KCNQ3: variants seen among roughly 807,000 people sequenced by gnomAD.
KCNQ3 encodes the protein potassium voltage-gated channel subfamily KQT member 3.
A neutral mutation model predicts 92.5 loss-of-function variants in KCNQ3; 30 were observed. The ratio of observed to expected loss-of-function variants is 0.32; its 90% CI spans 0.24 to 0.44. The LOEUF is 0.44. KCNQ3 is among the 20% of genes least tolerant of loss of function. KCNQ3 has a pLI of 1.00. For missense variants in KCNQ3, 913 were observed against 1,140.3 expected, an observed-to-expected ratio of 0.80 and a Z score of 2.87; for synonymous variants, 450 against 468.8, an observed-to-expected ratio of 0.96 and a Z score of 0.52.
At chr8:132,395,358 T>A (rs1453066358) in intron 1 of KCNQ3, among the ~76,000 whole-genome samples, 1 of 152,196 alleles carries the variant, frequency 6.6e-6, no homozygotes, top group Non-Finnish European at 1.5e-5. Context: ...CTAGAACTTA[T>A]TCCTCCTGTT....
intron 9 of KCNQ3, among the ~76,000 whole-genome samples, chr8:132,149,189 G>T (rs1825556048): frequency 6.6e-6 from 1 of 152,220 alleles, no homozygotes; most frequent in Non-Finnish European, 1.5e-5. Context: ...GATGCAGGAG[G>T]CAGATGAGGG....
intron 1 of KCNQ3, among the ~76,000 whole-genome samples, chr8:132,280,603 T>G (rs1026800393): frequency 8.5e-5 from 13 of 152,188 alleles, no homozygotes; most frequent in African/African-American, 2.9e-4. Flanking sequence ...CATCTTGGCA[T>G]GAGATTTAGA....
chr8:132,230,482 A>AG (rs1491357024), intron 1 of KCNQ3, among the ~76,000 whole-genome samples: 99 of 144,930 alleles, frequency 6.8e-4, no homozygotes, highest in African/African-American at 2.5e-3. Flanking sequence ...AGAGAGAGAG[A>AG]AAATCCTTTA....
intron 1 of KCNQ3, among the ~76,000 whole-genome samples, chr8:132,297,004 C>T (rs1014431868): frequency 5.9e-5 from 9 of 152,212 alleles, no homozygotes; most frequent in African/African-American, 2.2e-4. Flanking sequence ...ACAGTCCCAC[C>T]AACAGTGTAA....
intron 1 of KCNQ3, among the ~76,000 whole-genome samples, chr8:132,332,231 C>T (rs751144075): frequency 3.6e-4 from 55 of 152,156 alleles, no homozygotes; most frequent in Non-Finnish European, 6.0e-4. Flanking sequence ...CCCAAAACCA[C>T]GAGTGAGCCT....
Position 132,122,117 on chromosome 8 carries a change from G to A in KCNQ3, c.*7145C>T, listed in dbSNP as rs1395948416. ...GAGGAAGAAGGGGGAGAGAGAATGA[G>A]CTTTCCAGGTACACGGGCTTTGGTT... On this transcript the variant is annotated 3_prime_UTR_variant, in exon 15 of 15. Coordinates refer to ENST00000388996, the MANE Select transcript of KCNQ3 (RefSeq NM_004519.4). The A allele has an allele frequency of 6.6e-6, 1 of 152,242 alleles. No individual in the cohort carries two copies. Among genetic ancestry groups the A allele is most frequent in the Non-Finnish European group, 1.5e-5 (1 of 68,062 alleles). The allele number at this position is 152,242 out of a possible 1,614,324, so 9.4% of individuals were successfully genotyped here.
intron 1 of KCNQ3, among the ~76,000 whole-genome samples, chr8:132,470,105 A>G (rs939017322): frequency 2.0e-4 from 5 of 24,682 alleles, no homozygotes; most frequent in Non-Finnish European, 3.7e-4. Flanking sequence ...AGAAAGAACT[A>G]TGCTCATCTC....
intron 1 of KCNQ3, among the ~76,000 whole-genome samples, chr8:132,410,462 G>A (rs568763329): frequency 1.9e-4 from 29 of 152,286 alleles, no homozygotes; most frequent in African/African-American, 4.6e-4. Flanking sequence ...AAGCAAACCC[G>A]TCCACCTGGG....
At chr8:132,307,777 C>A (rs2130602596) in intron 1 of KCNQ3, among the ~76,000 whole-genome samples, 1 of 152,312 alleles carries the variant, frequency 6.6e-6, no homozygotes, top group Middle Eastern at 3.4e-3. Context: ...ATATTGGTCA[C>A]TAAAGGAGTC....
chr8:132,420,864 C>T (rs1004171899), intron 1 of KCNQ3, among the ~76,000 whole-genome samples: 11 of 152,074 alleles, frequency 7.2e-5, no homozygotes, highest in Non-Finnish European at 1.6e-4. Context: ...TTTCTCTCCT[C>T]GACCTCGGTC....
Position 132,472,775 on chromosome 8 carries a change from A to G in KCNQ3, c.386+7372T>C, listed in dbSNP as rs150447333. 3.5e-3 allele frequency among the ~76,000 whole-genome samples: 536 copies of G among 152,328 alleles called. 3 individuals carry two copies. The highest frequency in any genetic ancestry group is 5.4e-3 in the Non-Finnish European group (368 of 68,014). ...AGAGAGAGGACTTGAAATGTTCCCAACACATAGAAATGATAAATACTCCAG... is the reference window on the plus strand; with the variant it reads ...AGAGAGAGGACTTGAAATGTTCCCAGCACATAGAAATGATAAATACTCCAG... On this transcript the variant is annotated intron_variant, in intron 1 of 14. Coordinates refer to ENST00000388996, the MANE Select transcript of KCNQ3 (RefSeq NM_004519.4).
chr8:132,382,970 A>G (rs913987955), intron 1 of KCNQ3, among the ~76,000 whole-genome samples: 3 of 152,226 alleles, frequency 2.0e-5, no homozygotes, highest in African/African-American at 4.8e-5. Context: ...GAAGGATTCA[A>G]TGAGGCAGTC....
chr8:132,237,360 A>C (rs928479834), intron 1 of KCNQ3, among the ~76,000 whole-genome samples: 3 of 152,186 alleles, frequency 2.0e-5, no homozygotes, highest in African/African-American at 7.2e-5. Flanking sequence ...CTGTGCATAT[A>C]ATATGTCAGT....
Position 132,474,633 on chromosome 8 carries a change from C to T in KCNQ3, c.386+5514G>A, listed in dbSNP as rs75312931. 1.5e-3 allele frequency among the ~76,000 whole-genome samples: 228 copies of T among 152,220 alleles called. 1 individual carries two copies. Among genetic ancestry groups the T allele is most frequent in the African/African-American group, 5.3e-3 (220 of 41,534 alleles). On this transcript the variant is annotated intron_variant, in intron 1 of 14. Transcript: ENST00000388996. Reference sequence around the variant, plus strand: ...AGCAAAGTCTTGATTAACCAGAACCCTTACAGAATTCTCACATGCATCCAT... The same window carrying T: ...AGCAAAGTCTTGATTAACCAGAACCTTTACAGAATTCTCACATGCATCCAT...
chr8:132,455,791 G>A (rs557055312), intron 1 of KCNQ3, among the ~76,000 whole-genome samples: 3 of 152,120 alleles, frequency 2.0e-5, no homozygotes, highest in African/African-American at 7.2e-5. Context: ...GCCCAGGCTG[G>A]AGTATAGTGG....
rs1819771219 is a variant in KCNQ3 at position 132,382,266 on chromosome 8, C to T, written c.386+97881G>A. ...GTAGAAAGTATTTGGGTCCCGGAGG[C>T]AGATCCCTCATGAATGGCTTGGTGC... On this transcript the variant is annotated intron_variant, in intron 1 of 14. Coordinates refer to ENST00000388996, the MANE Select transcript of KCNQ3 (RefSeq NM_004519.4). 2.0e-5 allele frequency among the ~76,000 whole-genome samples: 3 copies of T among 152,202 alleles called. No homozygotes were observed. In the South Asian group the frequency reaches 6.2e-4, roughly 32 times the overall value.
chr8:132,302,456 C>T (rs1418455233), intron 1 of KCNQ3, among the ~76,000 whole-genome samples: 3 of 152,174 alleles, frequency 2.0e-5, no homozygotes, highest in East Asian at 1.9e-4. Flanking sequence ...TGATATGATC[C>T]ACCTCGCCCC....
chr8:132,282,608 G>T (rs771920134), intron 1 of KCNQ3, among the ~76,000 whole-genome samples: 11 of 152,104 alleles, frequency 7.2e-5, no homozygotes, highest in Non-Finnish European at 1.2e-4. Flanking sequence ...CCGTGAGAAG[G>T]ATCCCATTTC....
chr8:132,301,113 C>T (rs1196927082), intron 1 of KCNQ3, among the ~76,000 whole-genome samples: 1 of 152,166 alleles, frequency 6.6e-6, no homozygotes, highest in African/African-American at 2.4e-5. Context: ...TCACTCTTCC[C>T]TTGCCTTAGG....
Sources: allele counts gnomAD v4.1 joint callset (sites outside exome capture counted in the v4.1 genomes callset), GRCh38; gene constraint gnomAD v4.1.1; transcripts MANE v1.5; gene names NCBI Gene and HGNC (gene_info 2026-07-23, HGNC 2026-07-21).